The following SPATA6L variants were observed in gnomAD, a reference collection of about 807,000 sequenced individuals.
SPATA6L encodes the protein spermatogenesis associated 6 like.
SPATA6L carries 68 observed loss-of-function variants against 49.2 expected under a neutral mutation model. The observed-to-expected ratio is 1.38, with a 90% CI of 1.14 to 1.69. The LOEUF is 1.69. SPATA6L is among the 40% of genes most tolerant of loss of function. The pLI is 0.00. For synonymous variants in SPATA6L, 198 were observed against 165.7 expected (o/e 1.19, Z -1.50); for missense variants, 668 against 464.3 (o/e 1.44, Z -4.03).
intron 1 of SPATA6L, 25 bp downstream of exon 1, chr9:4,666,187 G>C (rs372335581): frequency 6.8e-6 from 11 of 1,613,440 alleles, no homozygotes; most frequent in African/African-American, 4.0e-5. Flanking sequence ...TGAGGTTAAG[G>C]AGGGGGAGTT....
rs185536162 is a variant in SPATA6L, at chr9:4,657,604, C to T, written c.178-1515G>A. On this transcript the variant is annotated intron_variant, in intron 2 of 11. Transcript: ENST00000682582. ...AAATTAAATTTATTTGAGCAAGGAG[C>T]GATTCATAAACTAGGCAGCACTCAG... Among the ~76,000 whole-genome samples, 672 of 152,000 alleles carry T rather than the reference C, an allele frequency of 4.4e-3. 7 individuals are homozygous for T. Among genetic ancestry groups the T allele is most frequent in the African/African-American group, 0.014 (587 of 41,452 alleles).
At chr9:4,589,637 T>A (rs570303795) in intron 13 of SPATA6L, among the ~76,000 whole-genome samples, 3 of 152,210 alleles carry the variant, frequency 2.0e-5, no homozygotes, top group Non-Finnish European at 4.4e-5. Context: ...AGAGAGGGGT[T>A]TGAGATGCTT....
Position 4,599,667 on chromosome 9 carries a change from C to A in SPATA6L, c.*1144G>T, listed in dbSNP as rs1011036463. Among the ~76,000 whole-genome samples, 1 of 152,160 alleles carries A rather than the reference C, an allele frequency of 6.6e-6. No homozygotes were observed. Among genetic ancestry groups the A allele is most frequent in the Non-Finnish European group, 1.5e-5 (1 of 68,020 alleles). ...TCCTGGGTCAGAGATGGCGCCTTCT[C>A]GCTGTCTCCTCGCCAGTGGAAGGGG... On this transcript the variant is annotated 3_prime_UTR_variant, in exon 12 of 12. Coordinates refer to ENST00000682582, the MANE Select transcript of SPATA6L (RefSeq NM_001353486.2).
chr9:4,663,369 C>A, intron 1 of SPATA6L: 1 of 1,225,346 alleles, frequency 8.2e-7, no homozygotes, highest in Non-Finnish European at 1.2e-6. Flanking sequence ...GCATTTCAGG[C>A]TTCCTTTGGG....
Position 4,662,106 on chromosome 9 carries a change from C to G in SPATA6L, c.40-70G>C. Reference sequence around the variant, plus strand: ...TTGCTTTGTTTTGTTACACGGGGCTCTATTTCTCTTAAGCTCCTACAGACA... The same window carrying G: ...TTGCTTTGTTTTGTTACACGGGGCTGTATTTCTCTTAAGCTCCTACAGACA... On this transcript the variant is annotated intron_variant, in intron 1 of 11. Transcript: ENST00000682582. The surrounding 1 kb of genome is among the most constrained non-coding windows in gnomAD (Gnocchi z 4.9). 1 of 1,572,982 alleles carries G rather than the reference C, an allele frequency of 6.4e-7. No individual in the cohort carries two copies. The highest frequency in any genetic ancestry group is 8.6e-7 in the Non-Finnish European group (1 of 1,159,290).
At chr9:4,642,881 T>C (rs79625181) in intron 3 of SPATA6L, among the ~76,000 whole-genome samples, 7,985 of 152,238 alleles carry the variant, frequency 0.052, 311 homozygotes, top group African/African-American at 0.084. Flanking sequence ...AGTCACTTTA[T>C]ACAGAAGGAA....
intron 3 of SPATA6L, chr9:4,646,220 T>A: frequency 3.9e-6 from 1 of 255,840 alleles, no homozygotes; most frequent in Non-Finnish European, 7.3e-6. Context: ...TATTTAATAA[T>A]TAGATAAAGT....
intron 5 of SPATA6L, chr9:4,627,267 A>ACACAC (rs1830527484): frequency 6.5e-6 from 1 of 154,168 alleles, no homozygotes. Flanking sequence ...GAAACACTGA[A>ACACAC]AAATTGCTAT....
chr9:4,616,391 G>A (rs776102226), intron 9 of SPATA6L, among the ~76,000 whole-genome samples: 7 of 152,210 alleles, frequency 4.6e-5, no homozygotes, highest in Admixed American at 4.6e-4. Context: ...ACTGTTAATT[G>A]AAAGTTCTTT....
Position 4,662,246 on chromosome 9 carries a change from T to A in SPATA6L, c.40-210A>T. ...CTCCCTCCCACGTCTCCACCAGGTG[T>A]CACAATCGCGCTCTCGCCGGCTCCT... On this transcript the variant is annotated intron_variant, in intron 1 of 11. Transcript: ENST00000682582. The surrounding 1 kb of genome is among the most constrained non-coding windows in gnomAD (Gnocchi z 4.9). 2 of 1,433,918 alleles carry A rather than the reference T, an allele frequency of 1.4e-6. No individual in the cohort carries two copies. 88.8% of individuals were successfully genotyped at this position (1,433,918 alleles called of 1,614,324 possible).
intron 9 of SPATA6L, among the ~76,000 whole-genome samples, chr9:4,609,642 A>C (rs1480108404): frequency 6.6e-6 from 1 of 151,606 alleles, no homozygotes; most frequent in Non-Finnish European, 1.5e-5. Context: ...GATGGGACGT[A>C]TTTCAAAATA....
rs148324623 is a variant in SPATA6L, at chr9:4,605,216, T to C, written c.1089+131A>G. On this transcript the variant is annotated intron_variant, in intron 10 of 11. Coordinates refer to ENST00000682582, the MANE Select transcript of SPATA6L (RefSeq NM_001353486.2). ...AATCTCAGGACAACAGGTAATCTCCTTGGTAAGCCTCACAATTTTCCACTT... is the reference window on the plus strand; with the variant it reads ...AATCTCAGGACAACAGGTAATCTCCCTGGTAAGCCTCACAATTTTCCACTT... 2,609 of 696,816 alleles carry C rather than the reference T, an allele frequency of 3.7e-3. 11 individuals carry two copies. Among genetic ancestry groups the C allele is most frequent in the Middle Eastern group, 0.026 (73 of 2,780 alleles). 43.2% of individuals were successfully genotyped at this position (696,816 alleles called of 1,614,324 possible).
intron 2 of SPATA6L, among the ~76,000 whole-genome samples, chr9:4,660,032 A>C (rs946880141): frequency 5.3e-5 from 8 of 152,264 alleles, no homozygotes; most frequent in African/African-American, 1.2e-4. Flanking sequence ...AATTAATTCA[A>C]GATGGATTAA....
intron 2 of SPATA6L, among the ~76,000 whole-genome samples, chr9:4,659,377 C>G (rs901582727): frequency 7.9e-5 from 12 of 151,720 alleles, no homozygotes; most frequent in Non-Finnish European, 1.6e-4. Context: ...TCCTATACAC[C>G]AATAACAGAC....
chr9:4,662,669 C>T lies in SPATA6L; in HGVS notation c.40-633G>A, dbSNP rs761016259. ...ACCGCATGGACTTGAACCCGTCCTT[C>T]CTGGGCATCGCCCTGCGCTCCCTGC... is the stretch of plus-strand genomic sequence containing the variant. On this transcript the variant is annotated intron_variant, in intron 1 of 11. Coordinates refer to ENST00000682582, the MANE Select transcript of SPATA6L (RefSeq NM_001353486.2). This position sits in a 1 kb window ranked among gnomAD's most constrained non-coding sequence, Gnocchi z 4.9. 1.2e-6 allele frequency: 2 copies of T among 1,600,334 alleles called. No homozygotes were observed. The highest frequency in any genetic ancestry group is 1.7e-6 in the Non-Finnish European group (2 of 1,179,858).
At chr9:4,605,530 T>A (rs1003249768) in intron 9 of SPATA6L, 90 bp from the exon 10 acceptor site, 4 of 835,662 alleles carry the variant, frequency 4.8e-6, no homozygotes, top group African/African-American at 3.4e-5. Context: ...TATTTAAAAC[T>A]TAATTATAAT....
intron 9 of SPATA6L, among the ~76,000 whole-genome samples, chr9:4,609,832 A>C (rs950450105): frequency 2.0e-5 from 3 of 150,674 alleles, no homozygotes; most frequent in African/African-American, 7.4e-5. Context: ...AGGGTATTCA[A>C]TTGGGAAAAG....
chr9:4,617,831 C>G lies in SPATA6L; in HGVS notation c.995+92G>C, dbSNP rs539245295. 1.9e-4 allele frequency: 206 copies of G among 1,109,806 alleles called. No individual in the cohort carries two copies. The East Asian group carries it at 5.2e-3, about 28-fold the overall frequency. The allele number at this position is 1,109,806 out of a possible 1,614,324, so 68.7% of individuals were successfully genotyped here. ...ATCAAGGTGTCACCAGCTGAATATT[C>G]CTAAGAAAGGAAGCTGGTGAAATGA... On this transcript the variant is annotated intron_variant, in intron 9 of 11. Coordinates refer to ENST00000682582, the MANE Select transcript of SPATA6L (RefSeq NM_001353486.2).
intron 11 of SPATA6L, among the ~76,000 whole-genome samples, chr9:4,603,584 T>C (rs1369306847): frequency 6.6e-6 from 1 of 152,230 alleles, no homozygotes; most frequent in African/African-American, 2.4e-5. Context: ...TGTGATTCCA[T>C]TGTATGGCAC....
Sources: gnomAD v4.1 joint callset for allele counts (sites outside exome capture counted in the v4.1 genomes callset) on GRCh38, gnomAD v4.1.1 for gene constraint, Gnocchi (gnomAD v3.1) non-coding constraint, MANE v1.5 for transcripts, NCBI Gene and HGNC (gene_info 2026-07-23, HGNC 2026-07-21) for gene names.